Variants in SCFD2 observed in about 807,000 individuals in gnomAD.
SCFD2 encodes the protein sec1 family domain-containing protein 2.
Under a neutral mutation model 58.9 loss-of-function variants are expected in SCFD2, and 54 were observed. The ratio of observed to expected loss-of-function variants is 0.92; its 90% CI spans 0.74 to 1.15. SCFD2 has a LOEUF of 1.15. Ranked by LOEUF, SCFD2 falls within the 50% of genes most tolerant of loss-of-function variation. The pLI, the probability that SCFD2 is intolerant of heterozygous loss-of-function variation, is 0.00. For synonymous variants in SCFD2, 321 were observed against 335.9 expected (o/e 0.96, Z 0.49); for missense variants, 805 against 836.6 (o/e 0.96, Z 0.47).
intron 4 of SCFD2, among the ~76,000 whole-genome samples, chr4:53,193,819 G>A (rs1727982497): frequency 6.6e-6 from 1 of 152,120 alleles, no homozygotes; most frequent in Non-Finnish European, 1.5e-5. Context: ...TAAAATATAA[G>A]CATGGTTCAT....
At chr4:53,217,272 T>C (rs1354140913) in intron 4 of SCFD2, among the ~76,000 whole-genome samples, 5 of 152,172 alleles carry the variant, frequency 3.3e-5, no homozygotes, top group Non-Finnish European at 5.9e-5. Flanking sequence ...TATTATTGTG[T>C]GGGAGTCTAA....
chr4:53,151,611 G>C (rs1726508402), intron 4 of SCFD2, among the ~76,000 whole-genome samples: 1 of 152,184 alleles, frequency 6.6e-6, no homozygotes, highest in African/African-American at 2.4e-5. Flanking sequence ...CAGGCTGGCT[G>C]TACACCTGCC....
At chr4:53,026,407 G>C (rs1259275538) in intron 5 of SCFD2, among the ~76,000 whole-genome samples, 3 of 152,190 alleles carry the variant, frequency 2.0e-5, no homozygotes, top group Non-Finnish European at 4.4e-5. Context: ...CATTCTATAG[G>C]TATTTGTTGG....
intron 7 of SCFD2, among the ~76,000 whole-genome samples, chr4:52,905,152 T>A (rs1025406977): frequency 6.6e-6 from 1 of 152,220 alleles, no homozygotes; most frequent in South Asian, 2.1e-4. Flanking sequence ...GCATTTTGCA[T>A]CCTCCTCTTC....
At chr4:52,998,722 C>T (rs1721799155) in intron 5 of SCFD2, among the ~76,000 whole-genome samples, 1 of 152,116 alleles carries the variant, frequency 6.6e-6, no homozygotes. Flanking sequence ...ATGGACTGCG[C>T]ATTTACTCCT....
At chr4:52,984,773 T>G (rs1051776361) in intron 5 of SCFD2, among the ~76,000 whole-genome samples, 2 of 152,300 alleles carry the variant, frequency 1.3e-5, no homozygotes, top group East Asian at 1.9e-4. Flanking sequence ...TAACCTCAGG[T>G]TCCAAGTATT....
chr4:53,129,055 TA>T (rs1179273435), intron 5 of SCFD2, among the ~76,000 whole-genome samples: 1 of 152,222 alleles, frequency 6.6e-6, no homozygotes, highest in African/African-American at 2.4e-5. Flanking sequence ...AATTTGGCTT[TA>T]AAAAAGCTTC....
intron 4 of SCFD2, among the ~76,000 whole-genome samples, chr4:53,197,818 A>G (rs936881388): frequency 6.6e-6 from 1 of 151,960 alleles, no homozygotes. Flanking sequence ...CTGGTTTATA[A>G]ACACAAGTCA....
At chr4:53,202,711 G>C (rs558296556) in intron 4 of SCFD2, among the ~76,000 whole-genome samples, 4 of 152,160 alleles carry the variant, frequency 2.6e-5, no homozygotes, top group African/African-American at 9.6e-5. Flanking sequence ...TTGAGCAGTG[G>C]TTTGTAGTTC....
At chr4:53,222,388 T>A (rs1729073993) in intron 4 of SCFD2, among the ~76,000 whole-genome samples, 1 of 152,260 alleles carries the variant, frequency 6.6e-6, no homozygotes, top group South Asian at 2.1e-4. Flanking sequence ...TAATTATTTT[T>A]ACATGACTGC....
chr4:52,893,588 T>A (rs1180271344), intron 7 of SCFD2, among the ~76,000 whole-genome samples: 2 of 152,138 alleles, frequency 1.3e-5, no homozygotes, highest in Admixed American at 6.5e-5. Flanking sequence ...TAGGAAAGGC[T>A]CCTAGCATCC....
intron 3 of SCFD2, among the ~76,000 whole-genome samples, chr4:53,276,910 C>A (rs1177025174): frequency 1.3e-5 from 2 of 152,136 alleles, no homozygotes; most frequent in African/African-American, 4.8e-5. Flanking sequence ...TTTCATTTTC[C>A]TAATGACTAA....
intron 5 of SCFD2, among the ~76,000 whole-genome samples, chr4:52,988,533 T>C (rs956768998): frequency 6.6e-6 from 1 of 152,200 alleles, no homozygotes; most frequent in Non-Finnish European, 1.5e-5. Flanking sequence ...TGCTGATTCT[T>C]AGGTTTTCGA....
intron 1 of SCFD2, among the ~76,000 whole-genome samples, chr4:53,357,411 A>C (rs1354454943): frequency 1.3e-5 from 2 of 151,404 alleles, no homozygotes; most frequent in Non-Finnish European, 2.9e-5. Context: ...CCTGGGCAAT[A>C]GTGCAAGACT....
At chr4:53,025,094 C>T (rs928740861) in intron 5 of SCFD2, among the ~76,000 whole-genome samples, 9 of 151,678 alleles carry the variant, frequency 5.9e-5, no homozygotes, top group East Asian at 1.9e-4. Flanking sequence ...ACTATAGTTA[C>T]GAAAAAAAGG....
chr4:53,346,889 C>A (rs2149157025), intron 2 of SCFD2, among the ~76,000 whole-genome samples: 1 of 152,258 alleles, frequency 6.6e-6, no homozygotes, highest in East Asian at 1.9e-4. Flanking sequence ...AGAAGGAAAT[C>A]ATGTTTTTAT....
intron 8 of SCFD2, among the ~76,000 whole-genome samples, chr4:52,882,072 G>A (rs1021176488): frequency 2.0e-5 from 3 of 152,076 alleles, no homozygotes; most frequent in East Asian, 3.9e-4. Flanking sequence ...CCACACCAAG[G>A]TTTGGCTTTT....
intron 5 of SCFD2, among the ~76,000 whole-genome samples, chr4:53,084,444 T>G (rs1258455583): frequency 6.6e-6 from 1 of 152,172 alleles, no homozygotes; most frequent in Non-Finnish European, 1.5e-5. Context: ...GATTTCATAC[T>G]GTTCACACAT....
At chr4:52,956,328 G>A (rs1334441931) in intron 5 of SCFD2, 1 of 447,204 alleles carries the variant, frequency 2.2e-6, no homozygotes, top group Admixed American at 2.4e-5. Context: ...CATGACAGAG[G>A]TCAAGGGGAC....
Sources: gnomAD v4.1 joint callset for allele counts (sites outside exome capture counted in the v4.1 genomes callset) on GRCh38, gnomAD v4.1.1 for gene constraint, MANE v1.5 for transcripts, NCBI Gene and HGNC (gene_info 2026-07-23, HGNC 2026-07-21) for gene names.